The following RNF175 variants were observed in gnomAD, a reference collection of about 807,000 sequenced individuals.
RNF175 encodes ring finger protein 175.
Under a neutral mutation model 50.0 loss-of-function variants are expected in RNF175, and 38 were observed. The ratio of observed to expected loss-of-function variants is 0.76; its 90% CI spans 0.59 to 1.00. RNF175 has a LOEUF of 1.00. Ranked by LOEUF, RNF175 falls within the 50% of genes least tolerant of loss-of-function variation. The pLI, the probability that RNF175 is intolerant of heterozygous loss-of-function variation, is 0.00. For missense variants in RNF175, 388 were observed against 409.6 expected, an observed-to-expected ratio of 0.95 and a Z score of 0.46; for synonymous variants, 155 against 146.1, an observed-to-expected ratio of 1.06 and a Z score of -0.44.
At chr4:153,743,863 GCTAA>G (rs768984855) in intron 3 of RNF175, among the ~76,000 whole-genome samples, 1 of 152,184 alleles carries the variant, frequency 6.6e-6, no homozygotes, top group Admixed American at 6.5e-5. Context: ...GATGACTCCA[GCTAA>G]CTAACAGAGG....
chr4:153,751,129 A>AATGCAC (rs1029003220), intron 2 of RNF175, among the ~76,000 whole-genome samples: 2 of 152,272 alleles, frequency 1.3e-5, no homozygotes, highest in African/African-American at 4.8e-5. Flanking sequence ...GCACCAGAAC[A>AATGCAC]CAGGGGCAAT....
intron 3 of RNF175, among the ~76,000 whole-genome samples, chr4:153,732,690 T>C (rs2127131342): frequency 6.6e-6 from 1 of 152,364 alleles, no homozygotes; most frequent in African/African-American, 2.4e-5. Context: ...TTTGGCACTC[T>C]TCTGTCTACT....
chr4:153,739,356 G>A (rs987482702), intron 3 of RNF175, among the ~76,000 whole-genome samples: 7 of 150,666 alleles, frequency 4.6e-5, no homozygotes, highest in African/African-American at 9.8e-5. Flanking sequence ...AGGAGGCGAC[G>A]GGTACAGTGA....
chr4:153,715,729 G>C, intron 6 of RNF175, 67 bp from the exon 7 acceptor site: 1 of 1,535,442 alleles, frequency 6.5e-7, no homozygotes. Context: ...AATGCAGGAA[G>C]CCACTGCCAG....
intron 1 of RNF175, among the ~76,000 whole-genome samples, chr4:153,752,060 A>C (rs1475015007): frequency 6.6e-6 from 1 of 152,244 alleles, no homozygotes; most frequent in Admixed American, 6.5e-5. Context: ...GCTGGAAAGC[A>C]CAGACATCGT....
intron 3 of RNF175, among the ~76,000 whole-genome samples, chr4:153,748,188 A>C (rs553658225): frequency 9.2e-5 from 14 of 152,328 alleles, no homozygotes; most frequent in Admixed American, 2.6e-4. Flanking sequence ...GGATACATTC[A>C]AACCATAGCA....
At chr4:153,737,185 T>A (rs999089636) in intron 3 of RNF175, among the ~76,000 whole-genome samples, 1 of 152,126 alleles carries the variant, frequency 6.6e-6, no homozygotes, top group Non-Finnish European at 1.5e-5. Flanking sequence ...ATTAGTAATT[T>A]GTGTTTTCTC....
chr4:153,731,540 C>T (rs968163627), intron 3 of RNF175, among the ~76,000 whole-genome samples: 3 of 152,044 alleles, frequency 2.0e-5, no homozygotes, highest in Non-Finnish European at 4.4e-5. Flanking sequence ...TTTGTGTTGC[C>T]ATGCACATAA....
At chr4:153,751,105 T>C (rs1356434571) in intron 2 of RNF175, among the ~76,000 whole-genome samples, 2 of 152,252 alleles carry the variant, frequency 1.3e-5, no homozygotes, top group African/African-American at 4.8e-5. Flanking sequence ...CAGGGCCCAA[T>C]GGCCCTACAG....
intron 8 of RNF175, among the ~76,000 whole-genome samples, chr4:153,711,658 A>G (rs1737590914): frequency 6.6e-6 from 1 of 152,190 alleles, no homozygotes; most frequent in East Asian, 1.9e-4. Context: ...GTTGATGCCA[A>G]CCTTTCAGGA....
At position 153,747,582 on chromosome 4, in the gene RNF175, C is replaced by G. The variant is rs1026247465; in HGVS notation, c.246+1063G>C. 4.6e-5 allele frequency among the ~76,000 whole-genome samples: 7 copies of G among 152,170 alleles called. No individual in the cohort carries two copies. The East Asian group carries it at 9.6e-4, about 21-fold the overall frequency. ...TGGCTTCTATTGTTCATATTTCTAC[C>G]AACATTCTGACCATGACCACTTAAG... On this transcript the variant is annotated intron_variant, in intron 3 of 8. Transcript: ENST00000347063.
intron 1 of RNF175, among the ~76,000 whole-genome samples, chr4:153,752,598 T>C (rs184867518): frequency 9.8e-5 from 15 of 152,330 alleles, no homozygotes; most frequent in Admixed American, 2.6e-4. Flanking sequence ...AAAACATGGG[T>C]AAACATGTTT....
chr4:153,714,736 C>T (rs1002889805), intron 7 of RNF175: 1 of 152,404 alleles, frequency 6.6e-6, no homozygotes. Context: ...TTGATTTGTT[C>T]AGGGGTCTCG....
At chr4:153,754,715 T>C (rs1340682770) in intron 1 of RNF175, among the ~76,000 whole-genome samples, 1 of 152,096 alleles carries the variant, frequency 6.6e-6, no homozygotes, top group Non-Finnish European at 1.5e-5. Flanking sequence ...GAGCGGAAGA[T>C]TTGACATCCA....
chr4:153,734,115 C>A (rs377627162), intron 3 of RNF175, among the ~76,000 whole-genome samples: 1 of 152,168 alleles, frequency 6.6e-6, no homozygotes, highest in Admixed American at 6.5e-5. Flanking sequence ...TAAAGGATAT[C>A]TTGGTTGCTA....
intron 3 of RNF175, among the ~76,000 whole-genome samples, chr4:153,728,935 C>T (rs542612583): frequency 2.0e-5 from 3 of 152,276 alleles, no homozygotes; most frequent in South Asian, 2.1e-4. Context: ...GTTTCCTGTT[C>T]GTTTGGTGCA....
chr4:153,737,912 A>C lies in RNF175; in HGVS notation c.247-9551T>G, dbSNP rs1358376834. On this transcript the variant is annotated intron_variant, in intron 3 of 8. Coordinates refer to ENST00000347063, the MANE Select transcript of RNF175 (RefSeq NM_173662.4). ...AAAAGATGTATTAAAATCTTTAACT[A>C]TAATGGTCAATTTGTTGATTTCTCT... Among the ~76,000 whole-genome samples the C allele has an allele frequency of 3.3e-5, 5 of 152,344 alleles. No individual in the cohort carries two copies. In the East Asian group the frequency reaches 7.7e-4, roughly 23 times the overall value.
chr4:153,725,914 G>A (rs994350544), intron 4 of RNF175, among the ~76,000 whole-genome samples: 1 of 152,178 alleles, frequency 6.6e-6, no homozygotes, highest in African/African-American at 2.4e-5. Context: ...TTCAGGAACA[G>A]TAGAGTCCAG....
intron 3 of RNF175, among the ~76,000 whole-genome samples, chr4:153,745,993 A>G (rs1443477909): frequency 6.6e-6 from 1 of 152,228 alleles, no homozygotes; most frequent in Non-Finnish European, 1.5e-5. Context: ...CACACATAAA[A>G]TATATTCATT....
Sources: allele counts gnomAD v4.1 joint callset (sites outside exome capture counted in the v4.1 genomes callset), GRCh38; gene constraint gnomAD v4.1.1; transcripts MANE v1.5; gene names NCBI Gene and HGNC (gene_info 2026-07-23, HGNC 2026-07-21).